Variants in SLBP observed in about 807,000 individuals in gnomAD.
The protein encoded by SLBP is histone RNA hairpin-binding protein.
SLBP carries 29 observed loss-of-function variants against 39.2 expected under a neutral mutation model. The observed-to-expected ratio is 0.74, with a 90% CI of 0.55 to 1.01. The LOEUF (loss-of-function observed/expected upper bound fraction) is 1.01, where lower values mean the gene tolerates loss of function less well. Among genes scored for constraint, SLBP ranks in the 50% least tolerant of loss-of-function variants. SLBP has a pLI of 0.00. For synonymous variants in SLBP, 129 were observed against 118.7 expected, an observed-to-expected ratio of 1.09 and a Z score of -0.57; for missense variants, 390 against 350.2, an observed-to-expected ratio of 1.11 and a Z score of -0.91.
chr4:1,712,061 C>T (rs1374455701), intron 1 of SLBP, 69 bp downstream of exon 1: 2 of 1,235,272 alleles, frequency 1.6e-6, no homozygotes, highest in African/African-American at 3.1e-5. Flanking sequence ...CCCTCCCACA[C>T]CCCGGCCCCG....
chr4:1,708,085 G>GAAAA (rs35817560), intron 2 of SLBP, among the ~76,000 whole-genome samples: 1 of 111,434 alleles, frequency 9.0e-6, no homozygotes, highest in Admixed American at 9.6e-5. Flanking sequence ...TCTCAAAAAC[G>GAAAA]AAAAAAAAAA....
chr4:1,697,677 C>A (rs1023288560), intron 5 of SLBP, among the ~76,000 whole-genome samples: 3 of 151,848 alleles, frequency 2.0e-5, no homozygotes, highest in Admixed American at 2.0e-4. Flanking sequence ...ACCATCTGTA[C>A]TAAAAATACA....
chr4:1,697,674 G>A (rs1716163652), intron 5 of SLBP, among the ~76,000 whole-genome samples: 1 of 151,368 alleles, frequency 6.6e-6, no homozygotes, highest in African/African-American at 2.4e-5. Context: ...AACACCATCT[G>A]TACTAAAAAT....
chr4:1,700,142 C>CA, intron 3 of SLBP, 72 bp from the exon 4 acceptor site: 1 of 1,007,422 alleles, frequency 9.9e-7, no homozygotes, highest in Non-Finnish European at 1.5e-6. Flanking sequence ...GAGGAAGCTC[C>CA]ACCCTGATGC....
At chr4:1,699,851 A>G (rs930096869) in intron 4 of SLBP, 150 bp from the exon 5 acceptor site, 4 of 844,788 alleles carry the variant, frequency 4.7e-6, no homozygotes, top group Non-Finnish European at 7.4e-6. Context: ...GACTGCATGT[A>G]TGGGAATTTA....
intron 3 of SLBP, among the ~76,000 whole-genome samples, chr4:1,701,367 G>A (rs1220323289): frequency 7.2e-5 from 11 of 151,894 alleles, no homozygotes; most frequent in East Asian, 3.9e-4. Context: ...GGCTGGTCTC[G>A]AACTCCTGAT....
rs900133688 is a variant in SLBP, at chr4:1,712,111, C to T, written c.59+19G>A. On this transcript the variant is annotated intron_variant, in intron 1 of 7. Transcript: ENST00000489418. ...CACGGGGCACGCGCTCCCTCGCCCGCCGCGCAGCCCGGCCTCACCTGGCGT... is the reference window on the plus strand; with the variant it reads ...CACGGGGCACGCGCTCCCTCGCCCGTCGCGCAGCCCGGCCTCACCTGGCGT... The T allele has an allele frequency of 2.6e-5, 32 of 1,226,606 alleles. No homozygotes were observed. The highest frequency in any genetic ancestry group is 3.2e-5 in the Non-Finnish European group (32 of 984,846). The allele number at this position is 1,226,606 out of a possible 1,614,324, so 76.0% of individuals were successfully genotyped here. A position where few individuals can be genotyped will look rare whatever the true frequency, so the allele number is the denominator to read the frequency against.
chr4:1,706,636 C>T (rs1033575143), intron 2 of SLBP, among the ~76,000 whole-genome samples: 12 of 151,954 alleles, frequency 7.9e-5, no homozygotes, highest in Non-Finnish European at 1.6e-4. Flanking sequence ...TGAAACCCAG[C>T]GTCTACCAAA....
intron 3 of SLBP, among the ~76,000 whole-genome samples, chr4:1,702,503 T>G (rs113688044): frequency 6.6e-6 from 1 of 152,222 alleles, no homozygotes; most frequent in South Asian, 2.1e-4. Context: ...ACATTTTTCT[T>G]GAGACCCTGT....
intron 2 of SLBP, among the ~76,000 whole-genome samples, chr4:1,707,755 G>A (rs1390767602): frequency 2.0e-5 from 3 of 152,010 alleles, no homozygotes; most frequent in Non-Finnish European, 4.4e-5. Context: ...GACCAGCCTG[G>A]CCAACATGAT....
intron 2 of SLBP, among the ~76,000 whole-genome samples, chr4:1,708,532 C>T (rs925695053): frequency 3.3e-5 from 5 of 152,180 alleles, no homozygotes; most frequent in Non-Finnish European, 5.9e-5. Flanking sequence ...GGATTGGATA[C>T]AAGCATCCTC....
At position 1,712,275 on chromosome 4, in the gene SLBP, C is replaced by A. The variant is rs540158119; in HGVS notation, c.-87G>T. The A allele has an allele frequency of 5.9e-5, 50 of 852,552 alleles. No individual in the cohort carries two copies. The African/African-American group carries it at 6.9e-4, about 12-fold the overall frequency. 52.8% of individuals were successfully genotyped at this position (852,552 alleles called of 1,614,324 possible). A position where few individuals can be genotyped will look rare whatever the true frequency, so the allele number is the denominator to read the frequency against. On this transcript the variant is annotated 5_prime_UTR_variant, in exon 1 of 8. Transcript: ENST00000489418. Reference sequence around the variant, plus strand: ...GAGCGCAGAGTAGAGCAGGGCAGGGCCTGAGGCAGAAACCCGCGTCCCCGC... The same window carrying A: ...GAGCGCAGAGTAGAGCAGGGCAGGGACTGAGGCAGAAACCCGCGTCCCCGC...
At chr4:1,697,620 C>A (rs1577178424) in intron 5 of SLBP, among the ~76,000 whole-genome samples, 1 of 152,122 alleles carries the variant, frequency 6.6e-6, no homozygotes, top group Non-Finnish European at 1.5e-5. Context: ...GCAGGCAGAT[C>A]ACCCAAAGTC....
chr4:1,701,652 A>T (rs999065045), intron 3 of SLBP, among the ~76,000 whole-genome samples: 1 of 152,114 alleles, frequency 6.6e-6, no homozygotes, highest in African/African-American at 2.4e-5. Flanking sequence ...CACGCCTATA[A>T]TCCCAACACT....
At chr4:1,696,679 C>T (rs1716117193) in intron 5 of SLBP, among the ~76,000 whole-genome samples, 2 of 152,100 alleles carry the variant, frequency 1.3e-5, no homozygotes, top group South Asian at 2.1e-4. Flanking sequence ...GGGTGGATCA[C>T]CTGAGGTCAG....
chr4:1,705,531 C>CCA, intron 2 of SLBP, among the ~76,000 whole-genome samples: 1 of 152,168 alleles, frequency 6.6e-6, no homozygotes, highest in African/African-American at 2.4e-5. Flanking sequence ...GTCTTTAGTT[C>CCA]TGAATTATCT....
rs1216874749 is a variant in SLBP, at chr4:1,696,360, GA to G, written c.480-10del. On this transcript the variant is annotated splice_polypyrimidine_tract_variant and intron_variant, in intron 5 of 7. Transcript: ENST00000489418. ...CAGGTTGTCGAAGGTGTCTACAGGA[GA>G]AAGATTATTCTAGCACATGCCCACA... The G allele has an allele frequency of 1.2e-5, 19 of 1,555,338 alleles. No individual in the cohort carries two copies. The highest frequency in any genetic ancestry group is 2.8e-5 in the African/African-American group (2 of 71,850).
At chr4:1,705,572 G>T (rs1337205685) in intron 2 of SLBP, among the ~76,000 whole-genome samples, 1 of 152,144 alleles carries the variant, frequency 6.6e-6, no homozygotes, top group Non-Finnish European at 1.5e-5. Flanking sequence ...GAATTATAAA[G>T]CAGGTACAGC....
At chr4:1,705,310 TG>T (rs1325744007) in intron 2 of SLBP, among the ~76,000 whole-genome samples, 1 of 152,250 alleles carries the variant, frequency 6.6e-6, no homozygotes, top group Non-Finnish European at 1.5e-5. Context: ...ATGAGATTAC[TG>T]ATCCATTAAC....
Sources: allele counts gnomAD v4.1 joint callset (sites outside exome capture counted in the v4.1 genomes callset), GRCh38; gene constraint gnomAD v4.1.1; transcripts MANE v1.5; gene names NCBI Gene and HGNC (gene_info 2026-07-23, HGNC 2026-07-21).